Variants in NRXN3 observed in about 807,000 individuals in gnomAD.
NRXN3 encodes neurexin 3, also known as neurexin III.
In NRXN3, 32 loss-of-function variants were observed where a neutral mutation model predicts 137.6. That is an observed-to-expected ratio of 0.23 (90% CI 0.18 to 0.31). The LOEUF (loss-of-function observed/expected upper bound fraction) is 0.31, where lower values mean the gene tolerates loss of function less well. NRXN3 is among the 10% of genes least tolerant of loss of function. NRXN3 has a pLI of 1.00. For missense variants in NRXN3, 1,574 were observed against 2,062.5 expected, an observed-to-expected ratio of 0.76 and a Z score of 4.59; for synonymous variants, 798 against 784.5, an observed-to-expected ratio of 1.02 and a Z score of -0.29.
intron 8 of NRXN3, among the ~76,000 whole-genome samples, chr14:78,718,316 A>G (rs142566231): frequency 6.6e-6 from 1 of 152,292 alleles, no homozygotes; most frequent in East Asian, 1.9e-4. Context: ...CTGGGCCCAC[A>G]CATGAATGGG....
chr14:78,886,813 C>A (rs933732404), intron 10 of NRXN3, among the ~76,000 whole-genome samples: 2 of 152,126 alleles, frequency 1.3e-5, no homozygotes, highest in Non-Finnish European at 2.9e-5. Context: ...CCAGCCTTGA[C>A]AGAATTGCTG....
intron 20 of NRXN3, among the ~76,000 whole-genome samples, chr14:79,806,882 G>A (rs1289261187): frequency 1.4e-4 from 19 of 133,690 alleles, no homozygotes; most frequent in South Asian, 7.3e-4. Flanking sequence ...TCCTCAATAC[G>A]TACATTAAAT....
chr14:79,540,176 G>C (rs1455556088), intron 16 of NRXN3, among the ~76,000 whole-genome samples: 1 of 117,692 alleles, frequency 8.5e-6, no homozygotes, highest in Non-Finnish European at 1.7e-5. Flanking sequence ...TGCTTTGAAG[G>C]ATGAAGAGAC....
rs73325315 is a variant in NRXN3, at chr14:78,941,007, C to G, written c.2276-16235C>G. On this transcript the variant is annotated intron_variant, in intron 10 of 20. Transcript: ENST00000335750. ...TAATAAGCACATAACCACATTTTCT[C>G]CCTGTTTCTGTGTTAGGGGATGGCA... Among the ~76,000 whole-genome samples, 931 of 152,264 alleles carry G rather than the reference C, an allele frequency of 6.1e-3. 14 individuals are homozygous for G. Among genetic ancestry groups the G allele is most frequent in the African/African-American group, 0.021 (880 of 41,544 alleles).
intron 19 of NRXN3, among the ~76,000 whole-genome samples, chr14:79,723,137 G>A (rs753609619): frequency 6.6e-6 from 1 of 152,082 alleles, no homozygotes; most frequent in Non-Finnish European, 1.5e-5. Context: ...AGAAAAATAT[G>A]CCAACATAGT....
At chr14:79,541,148 A>T (rs1176127037) in intron 16 of NRXN3, among the ~76,000 whole-genome samples, 3 of 152,252 alleles carry the variant, frequency 2.0e-5, no homozygotes, top group African/African-American at 7.2e-5. Context: ...CGGTGGCTCA[A>T]ACCTGTAATC....
intron 4 of NRXN3, among the ~76,000 whole-genome samples, chr14:78,422,924 C>T (rs1198745700): frequency 6.6e-6 from 1 of 152,100 alleles, no homozygotes; most frequent in Non-Finnish European, 1.5e-5. Context: ...GGAAAATTCC[C>T]CTGATAATTA....
intron 15 of NRXN3, among the ~76,000 whole-genome samples, chr14:79,291,469 A>G (rs1361294905): frequency 6.6e-6 from 1 of 151,328 alleles, no homozygotes. Flanking sequence ...GATCCTCCCA[A>G]CTTGGTCTCT....
At chr14:78,800,604 G>A (rs1324889261) in intron 8 of NRXN3, among the ~76,000 whole-genome samples, 1 of 152,162 alleles carries the variant, frequency 6.6e-6, no homozygotes, top group East Asian at 1.9e-4. Flanking sequence ...GCAGCTGTTA[G>A]CATGTCATGA....
At chr14:78,908,627 C>T (rs2099226529) in intron 10 of NRXN3, among the ~76,000 whole-genome samples, 1 of 152,048 alleles carries the variant, frequency 6.6e-6, no homozygotes, top group African/African-American at 2.4e-5. Context: ...AAAAAAATTT[C>T]ACCAAGATAA....
At chr14:78,314,405 G>A (rs1297370832) in intron 4 of NRXN3, among the ~76,000 whole-genome samples, 1 of 152,120 alleles carries the variant, frequency 6.6e-6, no homozygotes, top group Non-Finnish European at 1.5e-5. Context: ...GTGGTGAAGT[G>A]GGGGATCTCT....
At chr14:78,904,343 C>T (rs1014123021) in intron 10 of NRXN3, among the ~76,000 whole-genome samples, 1 of 152,000 alleles carries the variant, frequency 6.6e-6, no homozygotes, top group Non-Finnish European at 1.5e-5. Flanking sequence ...AAGACAGTCA[C>T]CACAACTGAG....
chr14:79,671,729 T>C (rs2153999939), intron 17 of NRXN3, among the ~76,000 whole-genome samples: 1 of 152,168 alleles, frequency 6.6e-6, no homozygotes, highest in Non-Finnish European at 1.5e-5. Flanking sequence ...GCTTGTATCT[T>C]ATAAGTTAAA....
intron 16 of NRXN3, among the ~76,000 whole-genome samples, chr14:79,616,954 G>A (rs1335420274): frequency 2.0e-5 from 3 of 152,012 alleles, no homozygotes; most frequent in African/African-American, 4.8e-5. Context: ...AATAGTAGCC[G>A]ACCTCTTCCT....
intron 10 of NRXN3, among the ~76,000 whole-genome samples, chr14:78,933,178 A>G (rs1048018023): frequency 1.3e-5 from 2 of 152,232 alleles, no homozygotes; most frequent in East Asian, 3.8e-4. Flanking sequence ...GGGCAGGAGC[A>G]ATGTCATCCT....
chr14:78,597,095 T>A (rs2097163322), intron 4 of NRXN3, among the ~76,000 whole-genome samples: 1 of 152,122 alleles, frequency 6.6e-6, no homozygotes, highest in African/African-American at 2.4e-5. Context: ...TTAGGAAAGA[T>A]CCTGAGGGCA....
intron 16 of NRXN3, among the ~76,000 whole-genome samples, chr14:79,609,898 T>C (rs950986170): frequency 1.3e-5 from 2 of 150,772 alleles, no homozygotes; most frequent in Non-Finnish European, 2.9e-5. Context: ...AGTTGAACAA[T>C]GAGAAAACAT....
chr14:78,200,701 G>A (rs1434069188), intron 1 of NRXN3, among the ~76,000 whole-genome samples: 2 of 152,308 alleles, frequency 1.3e-5, no homozygotes, highest in African/African-American at 4.8e-5. Context: ...AATTAAAAGT[G>A]TGCTTAATAC....
chr14:78,447,994 C>T (rs2094460331), intron 4 of NRXN3, among the ~76,000 whole-genome samples: 1 of 152,194 alleles, frequency 6.6e-6, no homozygotes, highest in Admixed American at 6.5e-5. Flanking sequence ...TTTTCCCCAT[C>T]CTGTGCCTTT....
Sources: gnomAD v4.1 joint callset for allele counts (sites outside exome capture counted in the v4.1 genomes callset) on GRCh38, gnomAD v4.1.1 for gene constraint, MANE v1.5 for transcripts, NCBI Gene and HGNC (gene_info 2026-07-23, HGNC 2026-07-21) for gene names.